The following MIA2 variants were observed in gnomAD, a reference collection of about 807,000 sequenced individuals.
MIA2 encodes MIA SH3 domain ER export factor 2.
MIA2 carries 127 observed loss-of-function variants against 167.8 expected under a neutral mutation model. That is an observed-to-expected ratio of 0.76 (90% CI 0.66 to 0.88). MIA2 has a LOEUF of 0.88. MIA2 is among the 40% of genes least tolerant of loss of function. The pLI, the probability that MIA2 is intolerant of heterozygous loss-of-function variation, is 0.00. For synonymous variants in MIA2, 552 were observed against 541.9 expected, an observed-to-expected ratio of 1.02 and a Z score of -0.26; for missense variants, 1,690 against 1,624.7, an observed-to-expected ratio of 1.04 and a Z score of -0.69.
At chr14:39,372,085 C>A (rs2074959031) in intron 23 of MIA2, among the ~76,000 whole-genome samples, 1 of 152,034 alleles carries the variant, frequency 6.6e-6, no homozygotes, top group Admixed American at 6.5e-5. Flanking sequence ...GGAGCTTCCC[C>A]CTGTGGCTGG....
intron 23 of MIA2, among the ~76,000 whole-genome samples, chr14:39,364,242 C>T (rs2074766246): frequency 6.6e-6 from 1 of 152,042 alleles, no homozygotes; most frequent in African/African-American, 2.4e-5. Context: ...CCTGTAGTCC[C>T]AGCTACTCAG....
intron 23 of MIA2, among the ~76,000 whole-genome samples, chr14:39,374,323 A>G (rs1595958210): frequency 6.6e-6 from 1 of 152,334 alleles, no homozygotes; most frequent in Middle Eastern, 3.4e-3. Context: ...TACTAAGGAA[A>G]TTTGAAAGCA....
At chr14:39,385,756 G>C (rs528446646) in intron 23 of MIA2, 11 of 879,534 alleles carry the variant, frequency 1.3e-5, no homozygotes, top group Non-Finnish European at 2.2e-5. Flanking sequence ...GATAATAGTA[G>C]ATGAATTTGT....
At chr14:39,360,612 GTTGA>G (rs1194608148) in intron 23 of MIA2, among the ~76,000 whole-genome samples, 2 of 152,004 alleles carry the variant, frequency 1.3e-5, no homozygotes, top group South Asian at 2.1e-4. Context: ...TCTCTTAATT[GTTGA>G]TTGTTTCCTT....
chr14:39,244,464 C>T (rs1392521906), intron 3 of MIA2, among the ~76,000 whole-genome samples: 4 of 152,114 alleles, frequency 2.6e-5, no homozygotes, highest in Non-Finnish European at 2.9e-5. Flanking sequence ...TAGTAGATGG[C>T]AGGGTTGGGC....
intron 17 of MIA2, among the ~76,000 whole-genome samples, chr14:39,307,627 T>C (rs963012957): frequency 6.6e-6 from 1 of 152,224 alleles, no homozygotes; most frequent in Non-Finnish European, 1.5e-5. Context: ...CTTGAACTCC[T>C]GGCCTCAAGT....
intron 23 of MIA2, among the ~76,000 whole-genome samples, chr14:39,382,462 C>T (rs1380782104): frequency 3.9e-5 from 6 of 152,186 alleles, no homozygotes; most frequent in Non-Finnish European, 8.8e-5. Flanking sequence ...CAGGAGACAG[C>T]TTTGTACCTT....
downstream of MIA2, chr14:39,350,797 CTCTT>C (rs145487738): frequency 0.13 from 19,707 of 152,048 alleles, 1,699 homozygotes; most frequent in African/African-American, 0.23. Context: ...CAAATGTGCT[CTCTT>C]TCTTGTAAAT....
At chr14:39,279,609 G>A (rs1024899070) in intron 9 of MIA2, 72 bp downstream of exon 9, 1 of 979,180 alleles carries the variant, frequency 1.0e-6, no homozygotes, top group Admixed American at 2.5e-5. Flanking sequence ...AGGTACTTCT[G>A]TGTAAATTTA....
chr14:39,340,302 G>A (rs2071502773), intron 25 of MIA2, among the ~76,000 whole-genome samples: 1 of 152,188 alleles, frequency 6.6e-6, no homozygotes, highest in Non-Finnish European at 1.5e-5. Flanking sequence ...CCATACCTTG[G>A]TGGTGTAATC....
At chr14:39,283,432 G>GT (rs534613066) in intron 9 of MIA2, among the ~76,000 whole-genome samples, 9 of 151,472 alleles carry the variant, frequency 5.9e-5, no homozygotes, top group South Asian at 4.2e-4. Context: ...ACTGAATTCA[G>GT]TTTTTTTTTC....
At chr14:39,257,368 G>T (rs2054866661) in intron 6 of MIA2, among the ~76,000 whole-genome samples, 1 of 151,746 alleles carries the variant, frequency 6.6e-6, no homozygotes, top group Non-Finnish European at 1.5e-5. Context: ...GATCTTTGTT[G>T]GTTTCAAGAC....
intron 6 of MIA2, among the ~76,000 whole-genome samples, chr14:39,271,103 C>T (rs998779939): frequency 2.6e-5 from 4 of 152,132 alleles, no homozygotes; most frequent in African/African-American, 9.7e-5. Context: ...ACGGGAAGTT[C>T]TTCGATCCAC....
rs1480715508 is a variant in MIA2, at chr14:39,268,922, A to G, written c.1888-8012A>G. 7.4e-6 allele frequency: 6 copies of G among 813,318 alleles called. No individual in the cohort carries two copies. In the Admixed American group the frequency reaches 3.7e-4, roughly 51 times the overall value. 50.4% of individuals were successfully genotyped at this position (813,318 alleles called of 1,614,324 possible). The stretch of plus-strand genomic sequence containing the variant: ...AGGTAGGGTTTTTAGAAAGAGAAGC[A>G]TATTTCCCTTTCTTCACTAAAAACA... On this transcript the variant is annotated intron_variant, in intron 6 of 28. Coordinates refer to ENST00000640607, the MANE Select transcript of MIA2 (RefSeq NM_001329214.4).
chr14:39,313,335 T>C lies in MIA2; in HGVS notation c.3018-5T>C. On this transcript the variant is annotated splice_region_variant and splice_polypyrimidine_tract_variant and intron_variant, in intron 18 of 28. Coordinates refer to ENST00000640607, the MANE Select transcript of MIA2 (RefSeq NM_001329214.4). ...AAGAGAATTATAACATTTTTTGTTT[T>C]TAAGGAAATTAACAGTAGAGGAAAA... 2.0e-6 allele frequency: 3 copies of C among 1,483,890 alleles called. No homozygotes were observed. The highest frequency in any genetic ancestry group is 2.8e-6 in the Non-Finnish European group (3 of 1,078,890). 91.9% of individuals were successfully genotyped at this position (1,483,890 alleles called of 1,614,324 possible).
At chr14:39,311,834 GTGT>G (rs1566871156) in intron 18 of MIA2, among the ~76,000 whole-genome samples, 1 of 77,572 alleles carries the variant, frequency 1.3e-5, no homozygotes, top group African/African-American at 3.7e-5. Context: ...TTGTGTGTGT[GTGT>G]TTTTTTTTTT....
At position 39,247,287 on chromosome 14, in the gene MIA2, C is replaced by A. The variant is rs1418512391; in HGVS notation, c.713C>A (p.Ala238Asp). ...GLGGEQAEEK[A>D]FESVIEPVQE... ...GGAGGAGAACAAGCTGAAGAGAAGG[C>A]TTTTGAATCAGTTATTGAACCTGTA... Residue 238 changes from alanine (A) to aspartate (D), a missense_variant, in exon 4 of 29, where the codon GCT (alanine) becomes GAT (aspartate). Coordinates refer to ENST00000640607, the MANE Select transcript of MIA2 (RefSeq NM_001329214.4). 1.2e-6 allele frequency: 2 copies of A among 1,613,682 alleles called. No individual in the cohort carries two copies. The highest frequency in any genetic ancestry group is 1.7e-6 in the Non-Finnish European group (2 of 1,179,936).
chr14:39,364,054 G>C (rs1040772872), intron 23 of MIA2, among the ~76,000 whole-genome samples: 1 of 151,958 alleles, frequency 6.6e-6, no homozygotes, highest in African/African-American at 2.4e-5. Flanking sequence ...ACTTATTTTT[G>C]GCATTTAAAA....
chr14:39,281,786 T>A (rs867384814), intron 9 of MIA2, among the ~76,000 whole-genome samples: 10 of 152,106 alleles, frequency 6.6e-5, no homozygotes, highest in Middle Eastern at 3.4e-3. Context: ...CACGCCTGGC[T>A]AATTTTTTGT....
Sources: allele counts gnomAD v4.1 joint callset (sites outside exome capture counted in the v4.1 genomes callset), GRCh38; gene constraint gnomAD v4.1.1; transcripts MANE v1.5; gene names NCBI Gene and HGNC (gene_info 2026-07-23, HGNC 2026-07-21).